EXT1: variants seen among roughly 807,000 people sequenced by gnomAD.
EXT1 encodes the protein exostosin-1.
In EXT1, 20 loss-of-function variants were observed where a neutral mutation model predicts 82.5. The ratio of observed to expected loss-of-function variants is 0.24; its 90% CI spans 0.17 to 0.35. The LOEUF (loss-of-function observed/expected upper bound fraction) is 0.35, where lower values mean the gene tolerates loss of function less well. Among genes scored for constraint, EXT1 ranks in the 10% least tolerant of loss-of-function variants. The pLI, the probability that EXT1 is intolerant of heterozygous loss-of-function variation, is 1.00. For missense variants in EXT1, 757 were observed against 936.5 expected (o/e 0.81, Z 2.50); for synonymous variants, 348 against 350.8 (o/e 0.99, Z 0.09).
rs1250006319 is a variant in EXT1, at chr8:117,968,526, CTTATTTAT to C, written c.963-131333_963-131326del. 1.1e-3 allele frequency among the ~76,000 whole-genome samples: 41 copies of C among 37,018 alleles called. 2 individuals carry two copies. The highest frequency in any genetic ancestry group is 2.2e-3 in the African/African-American group (5 of 2,274). 24.3% of individuals were successfully genotyped at this position (37,018 alleles called of 152,430 possible). A position where few individuals can be genotyped will look rare whatever the true frequency, so the allele number is the denominator to read the frequency against. On this transcript the variant is annotated intron_variant, in intron 1 of 10. Coordinates refer to ENST00000378204, the MANE Select transcript of EXT1 (RefSeq NM_000127.3). ...TCTAATTAAATACTACTTATTCTGC[CTTATTTAT>C]TTATTTATTTATTTATTTATTTTTT...
intron 1 of EXT1, among the ~76,000 whole-genome samples, chr8:117,890,617 G>A (rs892066850): frequency 7.9e-5 from 12 of 152,190 alleles, no homozygotes; most frequent in African/African-American, 2.9e-4. Context: ...TGTTGACAAT[G>A]ACAGTATTCT....
chr8:117,837,428 G>C (rs920624606), intron 1 of EXT1, among the ~76,000 whole-genome samples: 1 of 152,136 alleles, frequency 6.6e-6, no homozygotes, highest in African/African-American at 2.4e-5. Context: ...TTTGCAAGCA[G>C]TATATATAAA....
chr8:117,938,115 T>G (rs781694814), intron 1 of EXT1, among the ~76,000 whole-genome samples: 8 of 152,214 alleles, frequency 5.3e-5, no homozygotes, highest in Non-Finnish European at 1.0e-4. Context: ...GTTTCTAGAC[T>G]GCAGTGCTAT....
intron 1 of EXT1, among the ~76,000 whole-genome samples, chr8:118,022,734 A>C (rs1283433697): frequency 6.6e-6 from 1 of 152,182 alleles, no homozygotes; most frequent in Non-Finnish European, 1.5e-5. Context: ...TCATTATTTT[A>C]ATAATTTTAA....
intron 1 of EXT1, among the ~76,000 whole-genome samples, chr8:117,892,078 T>A (rs1312518429): frequency 6.6e-6 from 1 of 152,208 alleles, no homozygotes; most frequent in Non-Finnish European, 1.5e-5. Flanking sequence ...GTGCTGGGAT[T>A]ACAGGCGTGA....
At chr8:118,061,913 T>C (rs911407383) in intron 1 of EXT1, among the ~76,000 whole-genome samples, 9 of 152,152 alleles carry the variant, frequency 5.9e-5, no homozygotes, top group African/African-American at 2.2e-4. Flanking sequence ...GATTAAGAAG[T>C]GGAGCAACTG....
chr8:117,800,460 T>C (rs1823150757), intron 10 of EXT1, among the ~76,000 whole-genome samples: 1 of 152,192 alleles, frequency 6.6e-6, no homozygotes, highest in African/African-American at 2.4e-5. Context: ...AATAGTGCCT[T>C]TTACATGTCA....
Position 117,861,045 on chromosome 8 carries a change from G to A in EXT1, c.963-23844C>T, listed in dbSNP as rs144278719. Among the ~76,000 whole-genome samples the A allele has an allele frequency of 5.9e-4, 90 of 152,312 alleles. 1 individual carries two copies. In the East Asian group the frequency reaches 0.013, roughly 23 times the overall value. The stretch of plus-strand genomic sequence containing the variant: ...CCAAACTCGACACAGGACATTTTGA[G>A]CTTATTTCCAAATCATCTGGCCTTC... On this transcript the variant is annotated intron_variant, in intron 1 of 10. Coordinates refer to ENST00000378204, the MANE Select transcript of EXT1 (RefSeq NM_000127.3).
At chr8:117,870,823 TCACACACACACA>T (rs59973422) in intron 1 of EXT1, among the ~76,000 whole-genome samples, 1 of 146,774 alleles carries the variant, frequency 6.8e-6, no homozygotes, top group African/African-American at 2.6e-5. Flanking sequence ...AAATGCTTTG[TCACACACACACA>T]CACACACACA....
chr8:117,859,569 C>T (rs1812644548), intron 1 of EXT1, among the ~76,000 whole-genome samples: 1 of 152,086 alleles, frequency 6.6e-6, no homozygotes, highest in African/African-American at 2.4e-5. Context: ...ATGGTGTATA[C>T]ACATATATTG....
intron 1 of EXT1, among the ~76,000 whole-genome samples, chr8:118,060,593 C>T (rs1392799749): frequency 2.0e-5 from 3 of 152,164 alleles, no homozygotes; most frequent in Admixed American, 6.5e-5. Flanking sequence ...CTTCATGTGA[C>T]GTCTGCATTT....
At chr8:117,983,725 T>C (rs1815255559) in intron 1 of EXT1, among the ~76,000 whole-genome samples, 1 of 152,224 alleles carries the variant, frequency 6.6e-6, no homozygotes, top group Non-Finnish European at 1.5e-5. Flanking sequence ...TTAATGTATA[T>C]GTGTTTACTG....
At position 117,818,425 on chromosome 8, in the gene EXT1, CGA is replaced by C; in HGVS notation, c.1632+8_1632+9del. ...AGTGGTTCCACATATAGGTCCCCTT[CGA>C]GTCTTACCTTGCTCTCTCCTTCAAT... On this transcript the variant is annotated splice_region_variant and intron_variant, in intron 7 of 10. Transcript: ENST00000378204. 4 of 1,613,512 alleles carry C rather than the reference CGA, an allele frequency of 2.5e-6. No homozygotes were observed.
chr8:117,988,898 G>A (rs1815377118), intron 1 of EXT1, among the ~76,000 whole-genome samples: 1 of 151,852 alleles, frequency 6.6e-6, no homozygotes, highest in Admixed American at 6.6e-5. Context: ...AGTCTGAGGT[G>A]CTCATTCTTT....
chr8:117,840,334 C>G (rs760439222), intron 1 of EXT1, among the ~76,000 whole-genome samples: 2 of 152,074 alleles, frequency 1.3e-5, no homozygotes, highest in Admixed American at 6.5e-5. Context: ...AGAGAACCAC[C>G]GGGCATGGTG....
At chr8:117,899,278 T>C (rs951816731) in intron 1 of EXT1, among the ~76,000 whole-genome samples, 2 of 152,074 alleles carry the variant, frequency 1.3e-5, no homozygotes, top group Non-Finnish European at 2.9e-5. Flanking sequence ...AATACAGTTT[T>C]ACAACTCTAG....
At chr8:118,047,137 AT>A (rs1442121316) in intron 1 of EXT1, among the ~76,000 whole-genome samples, 2 of 152,164 alleles carry the variant, frequency 1.3e-5, no homozygotes, top group Non-Finnish European at 2.9e-5. Flanking sequence ...AAAAATCGCC[AT>A]GCCCAAGCCA....
Position 118,066,325 on chromosome 8 carries a change from T to C in EXT1, c.962+43760A>G, listed in dbSNP as rs976571393. 7.3e-5 allele frequency among the ~76,000 whole-genome samples: 11 copies of C among 149,724 alleles called. No individual in the cohort carries two copies. In the South Asian group the frequency reaches 8.4e-4, roughly 11 times the overall value. ...TTATTTTCTTAATAACATTTTCTTT[T>C]CTCTAGCTTTATTTATTTATTTATT... On this transcript the variant is annotated intron_variant, in intron 1 of 10. Transcript: ENST00000378204.
At chr8:117,860,036 A>G (rs1280951858) in intron 1 of EXT1, among the ~76,000 whole-genome samples, 1 of 149,278 alleles carries the variant, frequency 6.7e-6, no homozygotes, top group Non-Finnish European at 1.5e-5. Flanking sequence ...AATCCCAGCT[A>G]CCCGGGAGGC....
Sources: gnomAD v4.1 joint callset for allele counts (sites outside exome capture counted in the v4.1 genomes callset) on GRCh38, gnomAD v4.1.1 for gene constraint, MANE v1.5 for transcripts, NCBI Gene and HGNC (gene_info 2026-07-23, HGNC 2026-07-21) for gene names.